Variants in LPA observed in about 807,000 individuals in gnomAD.
LPA encodes apolipoprotein(a).
A neutral mutation model predicts 197.9 loss-of-function variants in LPA; 199 were observed. The ratio of observed to expected loss-of-function variants is 1.01; its 90% CI spans 0.90 to 1.13. The LOEUF (loss-of-function observed/expected upper bound fraction) is 1.13. Among genes scored for constraint, LPA ranks in the 50% most tolerant of loss-of-function variants. The probability of loss-of-function intolerance (pLI) is 0.00; values close to 1 mark genes in which losing one functional copy is unlikely to be tolerated. For synonymous variants in LPA, 715 were observed against 639.5 expected (o/e 1.12, Z -1.78); for missense variants, 1,853 against 1,785.8 (o/e 1.04, Z -0.68).
At chr6:160,657,661 T>C (rs1780154909) in intron 1 of LPA, among the ~76,000 whole-genome samples, 2 of 152,130 alleles carry the variant, frequency 1.3e-5, no homozygotes, top group South Asian at 4.1e-4. Context: ...CCTCCCAAGG[T>C]GCTGGGATTA....
At position 160,577,200 on chromosome 6, in the gene LPA, A is replaced by G; in HGVS notation, c.4567T>C (p.Cys1523Arg). ...ISSTTVTGRT[C>R]QSWSSMIPHW... ...GGTATCATAGATGACCAAGATTGAC[A>G]GGTCCTTCCTGTGACAGTGGTGGAG... The change falls in exon 28 of 39, where the codon TGT becomes CGT. Residue 1523 changes from cysteine to arginine, a missense_variant. Coordinates refer to ENST00000316300, the MANE Select transcript of LPA (RefSeq NM_005577.4). The G allele has an allele frequency of 6.2e-7, 1 of 1,613,942 alleles. No individual in the cohort carries two copies. Among genetic ancestry groups the G allele is most frequent in the Non-Finnish European group, 8.5e-7 (1 of 1,179,880 alleles).
Position 160,650,493 on chromosome 6 carries a change from T to C in LPA, c.54A>G (p.Ala18=). 6.2e-7 allele frequency: 1 copy of C among 1,613,466 alleles called. No individual in the cohort carries two copies. The highest frequency in any genetic ancestry group is 8.5e-7 in the Non-Finnish European group (1 of 1,179,588). The change falls in exon 2 of 39, where the codon GCA becomes GCG. Residue 18 remains alanine (A), a synonymous_variant. Coordinates refer to ENST00000316300, the MANE Select transcript of LPA (RefSeq NM_005577.4). ...CCTGGACCACATGGCTTTGCTCAGG[T>C]GCTGCTAAAATTAAAACAGAAGAAA... ...LLLLLFLKSA[A]PEQSHVVQDC...
chr6:160,605,278 C>T (rs1779324136), intron 17 of LPA, 73 bp from the exon 18 acceptor site: 1 of 1,562,746 alleles, frequency 6.4e-7, no homozygotes, highest in Non-Finnish European at 8.8e-7. Context: ...ACTTATGGCA[C>T]AAACCAGAAA....
At chr6:160,650,278 C>T (rs1001269253) in intron 2 of LPA, 60 bp downstream of exon 2, 3 of 1,582,616 alleles carry the variant, frequency 1.9e-6, no homozygotes, top group South Asian at 2.2e-5. Flanking sequence ...TGACGCACAC[C>T]TTTTCTAAGA....
chr6:160,568,589 C>A (rs1057433959), intron 28 of LPA, among the ~76,000 whole-genome samples: 7 of 152,180 alleles, frequency 4.6e-5, no homozygotes, highest in African/African-American at 1.7e-4. Flanking sequence ...GACAGGGATG[C>A]CCTCTCTCAC....
At chr6:160,546,076 A>C (rs574972941) in intron 32 of LPA, among the ~76,000 whole-genome samples, 1 of 152,126 alleles carries the variant, frequency 6.6e-6, no homozygotes, top group East Asian at 1.9e-4. Context: ...AATCCCTTGG[A>C]GTTTCCTGGG....
At chr6:160,564,863 C>T (rs1583581876) in intron 28 of LPA, among the ~76,000 whole-genome samples, 2 of 152,188 alleles carry the variant, frequency 1.3e-5, no homozygotes, top group South Asian at 4.1e-4. Flanking sequence ...GCACATGGCT[C>T]AGAGGGTCCC....
chr6:160,560,278 G>A (rs1247552185), intron 28 of LPA, among the ~76,000 whole-genome samples: 1 of 152,194 alleles, frequency 6.6e-6, no homozygotes, highest in Non-Finnish European at 1.5e-5. Flanking sequence ...ATTGTAGAAT[G>A]ATTTATAATC....
chr6:160,587,280 A>G (rs562706902), intron 24 of LPA, among the ~76,000 whole-genome samples: 1 of 152,288 alleles, frequency 6.6e-6, no homozygotes, highest in South Asian at 2.1e-4. Context: ...GACTTTTCAA[A>G]GAACCTAACT....
intron 28 of LPA, among the ~76,000 whole-genome samples, chr6:160,576,405 TATATATATATGGGTATATATATATATAC>T (rs1347892968): frequency 1.8e-5 from 1 of 55,806 alleles, no homozygotes; most frequent in Non-Finnish European, 3.1e-5. Context: ...TATATATATA[TATATATATATGGGTATATATATATATAC>T]ACACATGCAC....
intron 24 of LPA, among the ~76,000 whole-genome samples, chr6:160,588,894 C>G (rs1036985166): frequency 1.3e-4 from 20 of 152,206 alleles, no homozygotes; most frequent in Non-Finnish European, 8.8e-5. Context: ...CCTGTGAAAA[C>G]TGTTTTCTCA....
intron 28 of LPA, among the ~76,000 whole-genome samples, chr6:160,574,125 T>G (rs1482997670): frequency 6.6e-6 from 1 of 152,008 alleles, no homozygotes; most frequent in Non-Finnish European, 1.5e-5. Flanking sequence ...GTTGTGTACC[T>G]AGGAGGATTA....
intron 28 of LPA, among the ~76,000 whole-genome samples, chr6:160,570,203 C>G (rs192449797): frequency 8.5e-5 from 13 of 152,302 alleles, no homozygotes; most frequent in Non-Finnish European, 1.8e-4. Context: ...TATTGCGGCA[C>G]TATTCACAAT....
chr6:160,583,639 G>T (rs1583595893), intron 26 of LPA, among the ~76,000 whole-genome samples: 1 of 152,214 alleles, frequency 6.6e-6, no homozygotes, highest in Non-Finnish European at 1.5e-5. Context: ...AACTCTTTCT[G>T]TGCATACACA....
chr6:160,573,485 G>A lies in LPA; in HGVS notation c.4631+3651C>T, dbSNP rs115814410. ...GTTTGGATCCATTGCTGGTGAACTGGGAGTGTGATGAGCCTTGTTTTGTCA... is the reference window on the plus strand; with the variant it reads ...GTTTGGATCCATTGCTGGTGAACTGAGAGTGTGATGAGCCTTGTTTTGTCA... On this transcript the variant is annotated intron_variant, in intron 28 of 38. Coordinates refer to ENST00000316300, the MANE Select transcript of LPA (RefSeq NM_005577.4). Among the ~76,000 whole-genome samples the A allele has an allele frequency of 0.011, 1,699 of 152,110 alleles. 33 individuals are homozygous for A. The Middle Eastern group carries it at 0.14, about 12-fold the overall frequency.
chr6:160,596,036 C>A (rs922123256), intron 20 of LPA, among the ~76,000 whole-genome samples: 1 of 152,224 alleles, frequency 6.6e-6, no homozygotes, highest in Admixed American at 6.5e-5. Context: ...TACAGGACTA[C>A]ACTAACTATT....
At position 160,578,526 on chromosome 6, in the gene LPA, G is replaced by A; in HGVS notation, c.4468C>T (p.Gln1490Ter). 6.2e-7 allele frequency: 1 copy of A among 1,613,774 alleles called. No homozygotes were observed. Among genetic ancestry groups the A allele is most frequent in the Non-Finnish European group, 8.5e-7 (1 of 1,179,754 alleles). The change falls in exon 27 of 39, where the codon CAA becomes TAA. Residue 1490 changes from glutamine to a stop codon, truncating the protein, a stop_gained. Transcript: ENST00000316300. LOFTEE classifies it high-confidence loss of function. The stretch of plus-strand genomic sequence containing the variant: ...TGTCTAACCACAAATTTCTTACCTT[G>A]TTCAGAAGGAGCCTCTGTGCTTGGA... ...PVPSTEAPSE[Q>*]APPEKSPVVQ...
chr6:160,555,897 C>T (rs559858403), intron 30 of LPA, 128 bp downstream of exon 30: 205 of 1,028,612 alleles, frequency 2.0e-4, no homozygotes, highest in African/African-American at 1.7e-3. Context: ...GCAAAGTTGT[C>T]TGGACATTTT....
intron 1 of LPA, among the ~76,000 whole-genome samples, chr6:160,663,716 G>C (rs573586086): frequency 6.6e-6 from 1 of 152,312 alleles, no homozygotes; most frequent in Admixed American, 6.5e-5. Flanking sequence ...GAAATGCTGA[G>C]TCCCACTCCA....
Sources: gnomAD v4.1 joint callset for allele counts (sites outside exome capture counted in the v4.1 genomes callset) on GRCh38, gnomAD v4.1.1 for gene constraint, MANE v1.5 for transcripts, NCBI Gene and HGNC (gene_info 2026-07-23, HGNC 2026-07-21) for gene names.